The following RGS6 variants were observed in gnomAD, a reference collection of about 807,000 sequenced individuals.
RGS6 encodes regulator of G protein signaling 6, also known as regulator of G-protein signaling 6.
In RGS6, 30 loss-of-function variants were observed where a neutral mutation model predicts 78.5. That is an observed-to-expected ratio of 0.38 (90% CI 0.29 to 0.52). RGS6 has a LOEUF of 0.52. RGS6 is among the 20% of genes least tolerant of loss of function. The pLI is 0.85. For missense variants in RGS6, 495 were observed against 609.7 expected (o/e 0.81, Z 1.98); for synonymous variants, 206 against 206.0 (o/e 1.00, Z 0.00).
intron 2 of RGS6, among the ~76,000 whole-genome samples, chr14:72,133,424 G>A (rs1259591565): frequency 6.6e-6 from 1 of 152,120 alleles, no homozygotes; most frequent in Non-Finnish European, 1.5e-5. Flanking sequence ...ATTAAGAGGA[G>A]CACACTGAGA....
intron 2 of RGS6, among the ~76,000 whole-genome samples, chr14:72,167,860 C>A (rs1023107148): frequency 6.6e-6 from 1 of 152,028 alleles, no homozygotes; most frequent in Admixed American, 6.6e-5. Flanking sequence ...AATGAGCAGC[C>A]TCTGTACAGA....
rs192792265 is a variant in RGS6 at position 72,223,989 on chromosome 14, G to A, written c.85-128106G>A. Among the ~76,000 whole-genome samples, 52 of 152,304 alleles carry A rather than the reference G, an allele frequency of 3.4e-4. 1 individual carries two copies. The highest frequency in any genetic ancestry group is 5.9e-4 in the Non-Finnish European group (40 of 68,030). The stretch of plus-strand genomic sequence containing the variant: ...GAGCAGAGACACAGAAACAAATTAG[G>A]TATAGCAAAGACATCAAAACATTTT... On this transcript the variant is annotated intron_variant, in intron 2 of 17. Transcript: ENST00000553525.
intron 3 of RGS6, among the ~76,000 whole-genome samples, chr14:72,433,316 C>T (rs1260774446): frequency 6.6e-6 from 1 of 151,520 alleles, no homozygotes; most frequent in Non-Finnish European, 1.5e-5. Context: ...AGGGGAGCAA[C>T]ACACACTGGG....
chr14:71,926,599 A>AAAAGAAAAAG, the RGS6 span, among the ~76,000 whole-genome samples: 1 of 151,656 alleles, frequency 6.6e-6, no homozygotes, highest in African/African-American at 2.4e-5. Flanking sequence ...AAAAAAAAAA[A>AAAAGAAAAAG]AAAAAGAGTA....
At chr14:72,294,727 C>G (rs1245274188) in intron 2 of RGS6, among the ~76,000 whole-genome samples, 2 of 151,822 alleles carry the variant, frequency 1.3e-5, no homozygotes, top group Non-Finnish European at 2.9e-5. Context: ...GGGGAGCTAT[C>G]ACACACTGTT....
intron 2 of RGS6, among the ~76,000 whole-genome samples, chr14:72,295,290 C>CA (rs67921203): frequency 0.033 from 2,975 of 91,424 alleles, 80 homozygotes; most frequent in African/African-American, 0.081. Context: ...GACTCCGTCT[C>CA]AAAAAAAAAA....
chr14:72,349,685 A>T (rs2214965), intron 2 of RGS6, among the ~76,000 whole-genome samples: 80,444 of 151,978 alleles, frequency 0.53, 23,759 homozygotes, highest in African/African-American at 0.81. Flanking sequence ...CATAAGGAAA[A>T]AGGACCTCTT....
intron 17 of RGS6, among the ~76,000 whole-genome samples, chr14:72,543,149 G>A (rs1159182372): frequency 6.6e-6 from 1 of 151,110 alleles, no homozygotes; most frequent in Non-Finnish European, 1.5e-5. Context: ...AACTAAACAT[G>A]ACTGAAGTCC....
chr14:72,331,995 C>T (rs754104509), intron 2 of RGS6, among the ~76,000 whole-genome samples: 28 of 152,158 alleles, frequency 1.8e-4, no homozygotes, highest in Non-Finnish European at 2.6e-4. Flanking sequence ...CCTGTTAGCC[C>T]GCATTAGACA....
At chr14:71,993,311 T>A (rs182014639) in intron 2 of RGS6, among the ~76,000 whole-genome samples, 4 of 124,982 alleles carry the variant, frequency 3.2e-5, no homozygotes, top group African/African-American at 1.1e-4. Context: ...TTTGACAAAA[T>A]ATTTTTTTTA....
rs72625695 is a variant in RGS6 at position 71,946,358 on chromosome 14, G to A, written c.-21+13417G>A. Among the ~76,000 whole-genome samples the A allele has an allele frequency of 0.03, 4,607 of 152,174 alleles. 360 individuals carry two copies. In the East Asian group the frequency reaches 0.33, roughly 11 times the overall value. ...TCTCTGGTTTAGTCAACTATTAATGGGGTTGCGGGGGCGGGATGTTCCGTA... is the reference window on the plus strand; with the variant it reads ...TCTCTGGTTTAGTCAACTATTAATGAGGTTGCGGGGGCGGGATGTTCCGTA... On this transcript the variant is annotated intron_variant, in intron 1 of 17. Coordinates refer to ENST00000553525, the MANE Select transcript of RGS6 (RefSeq NM_001204424.2).
chr14:72,530,616 G>A (rs144673437), intron 15 of RGS6, among the ~76,000 whole-genome samples: 72 of 152,264 alleles, frequency 4.7e-4, no homozygotes, highest in Admixed American at 2.2e-3. Flanking sequence ...GCTTGAACCC[G>A]TGAGGTGGAG....
At chr14:72,330,625 G>A (rs991966057) in intron 2 of RGS6, among the ~76,000 whole-genome samples, 1 of 152,202 alleles carries the variant, frequency 6.6e-6, no homozygotes, top group Non-Finnish European at 1.5e-5. Context: ...CCTCTGCAGA[G>A]TGGGATTTAA....
At chr14:71,877,972 A>G in the RGS6 span, among the ~76,000 whole-genome samples, 1 of 152,176 alleles carries the variant, frequency 6.6e-6, no homozygotes, top group African/African-American at 2.4e-5. Flanking sequence ...TTGCCTGGGT[A>G]TCACCAGCAG....
At chr14:72,342,347 C>T (rs1223460945) in intron 2 of RGS6, among the ~76,000 whole-genome samples, 1 of 152,082 alleles carries the variant, frequency 6.6e-6, no homozygotes, top group Non-Finnish European at 1.5e-5. Context: ...AGGCAGATCA[C>T]TTGAGTTCAG....
chr14:72,600,240 G>T, the RGS6 span, among the ~76,000 whole-genome samples: 1 of 152,054 alleles, frequency 6.6e-6, no homozygotes, highest in Non-Finnish European at 1.5e-5. Context: ...AGGGGATCAG[G>T]TATCCTGGCC....
rs202147829 is a variant in RGS6 at position 71,956,353 on chromosome 14, G to A, written c.-20-8419G>A. On this transcript the variant is annotated intron_variant, in intron 1 of 17. Transcript: ENST00000553525. ...ATAGTGTGTGTGTGTGTGTGTGTGT[G>A]TGTGTATATTCTATTTTTATATATA... 2.1e-3 allele frequency among the ~76,000 whole-genome samples: 121 copies of A among 58,864 alleles called. 1 individual carries two copies. The East Asian group carries it at 0.028, about 14-fold the overall frequency. The allele number at this position is 58,864 out of a possible 152,430, so 38.6% of individuals were successfully genotyped here. A position where few individuals can be genotyped will look rare whatever the true frequency, so the allele number is the denominator to read the frequency against.
At chr14:72,308,925 C>G (rs541919924) in intron 2 of RGS6, among the ~76,000 whole-genome samples, 2 of 152,196 alleles carry the variant, frequency 1.3e-5, no homozygotes, top group Admixed American at 1.3e-4. Flanking sequence ...TTTTACACTT[C>G]ACTTTAGGAT....
intron 3 of RGS6, among the ~76,000 whole-genome samples, chr14:72,439,455 T>G (rs1282112927): frequency 6.6e-6 from 1 of 152,212 alleles, no homozygotes; most frequent in African/African-American, 2.4e-5. Context: ...GAGCTCTAGA[T>G]CTCTTTGTAG....
Sources: allele counts gnomAD v4.1 joint callset (sites outside exome capture counted in the v4.1 genomes callset), GRCh38; gene constraint gnomAD v4.1.1; transcripts MANE v1.5; gene names NCBI Gene and HGNC (gene_info 2026-07-23, HGNC 2026-07-21).